Variants in PRICKLE1 observed in about 807,000 individuals in gnomAD.
PRICKLE1 encodes prickle-like protein 1.
In PRICKLE1, 14 loss-of-function variants were observed where a neutral mutation model predicts 70.2. The observed-to-expected ratio is 0.20, with a 90% CI of 0.13 to 0.31. The LOEUF (loss-of-function observed/expected upper bound fraction) is 0.31. Among genes scored for constraint, PRICKLE1 ranks in the 10% least tolerant of loss-of-function variants. The pLI, the probability that PRICKLE1 is intolerant of heterozygous loss-of-function variation, is 1.00. For synonymous variants in PRICKLE1, 357 were observed against 379.9 expected (o/e 0.94, Z 0.70); for missense variants, 821 against 1,026.2 (o/e 0.80, Z 2.73).
At chr12:42,485,025 C>CT (rs78748510) in intron 1 of PRICKLE1, among the ~76,000 whole-genome samples, 79 of 146,582 alleles carry the variant, frequency 5.4e-4, no homozygotes, top group Middle Eastern at 3.6e-3. Context: ...CCTTTGGTAT[C>CT]TTTTTTTTTT....
intron 1 of PRICKLE1, among the ~76,000 whole-genome samples, chr12:42,476,294 T>C (rs1277192671): frequency 1.3e-5 from 2 of 151,932 alleles, no homozygotes; most frequent in African/African-American, 4.8e-5. Flanking sequence ...GAGATTCTCC[T>C]GCCTCAGTCT....
Position 42,500,378 on chromosome 12 carries a change from T to C in PRICKLE1, c.-48-27814A>G, listed in dbSNP as rs536897197. ...ATATAATAGTTGCTCTGTTGCCTAT[T>C]AGGCATTACCAGTATCAGTACGTAC... On this transcript the variant is annotated intron_variant, in intron 1 of 7. Transcript: ENST00000345127. 4.2e-3 allele frequency among the ~76,000 whole-genome samples: 642 copies of C among 152,332 alleles called. 2 individuals are homozygous for C. The highest frequency in any genetic ancestry group is 0.015 in the African/African-American group (613 of 41,570).
At chr12:42,569,247 C>T (rs1319995848) in intron 1 of PRICKLE1, among the ~76,000 whole-genome samples, 1 of 152,058 alleles carries the variant, frequency 6.6e-6, no homozygotes, top group South Asian at 2.1e-4. Context: ...TAGCAATGGA[C>T]CTTTAAAGTA....
intron 1 of PRICKLE1, among the ~76,000 whole-genome samples, chr12:42,527,587 G>T (rs1939828110): frequency 1.3e-5 from 2 of 152,142 alleles, no homozygotes; most frequent in African/African-American, 2.4e-5. Flanking sequence ...AGACTTTACT[G>T]GGAGCCCATC....
At chr12:42,587,293 C>G (rs1345756456) in intron 1 of PRICKLE1, among the ~76,000 whole-genome samples, 3 of 152,224 alleles carry the variant, frequency 2.0e-5, no homozygotes, top group African/African-American at 7.2e-5. Context: ...ATGTCTATCT[C>G]TATAAACTAT....
At chr12:42,524,890 G>A (rs1939775020) in intron 1 of PRICKLE1, 1 of 152,208 alleles carries the variant, frequency 6.6e-6, no homozygotes, top group Admixed American at 6.5e-5. Context: ...GAAATGTATA[G>A]TTGGTCTTTG....
At chr12:42,503,096 T>C (rs1361012763) in intron 1 of PRICKLE1, among the ~76,000 whole-genome samples, 1 of 152,168 alleles carries the variant, frequency 6.6e-6, no homozygotes, top group Non-Finnish European at 1.5e-5. Flanking sequence ...AATTTGGACT[T>C]GTGGGGCAAT....
At chr12:42,566,254 C>T (rs866191472) in intron 1 of PRICKLE1, among the ~76,000 whole-genome samples, 7 of 151,874 alleles carry the variant, frequency 4.6e-5, no homozygotes, top group Admixed American at 1.3e-4. Flanking sequence ...GTCCAGGAGG[C>T]AAATTAGATG....
At chr12:42,527,430 C>T (rs1404396610) in intron 1 of PRICKLE1, among the ~76,000 whole-genome samples, 5 of 152,120 alleles carry the variant, frequency 3.3e-5, no homozygotes. Context: ...ACCATCCCCG[C>T]CCAGCCTAAA....
chr12:42,462,694 A>G (rs892590031), intron 7 of PRICKLE1, among the ~76,000 whole-genome samples: 1 of 152,118 alleles, frequency 6.6e-6, no homozygotes, highest in Admixed American at 6.6e-5. Context: ...GTCTGGCACA[A>G]GTTATTCCTG....
At chr12:42,576,994 T>C (rs749670642) in intron 1 of PRICKLE1, among the ~76,000 whole-genome samples, 3 of 152,202 alleles carry the variant, frequency 2.0e-5, no homozygotes, top group Non-Finnish European at 4.4e-5. Context: ...AGAAAGTTAT[T>C]AGGGTTATTG....
chr12:42,581,534 C>T (rs1203557884), intron 1 of PRICKLE1, among the ~76,000 whole-genome samples: 1 of 152,028 alleles, frequency 6.6e-6, no homozygotes, highest in Non-Finnish European at 1.5e-5. Flanking sequence ...CACTTGAGGT[C>T]AGGAGTTCAA....
At chr12:42,542,637 C>A (rs781212499) in intron 1 of PRICKLE1, among the ~76,000 whole-genome samples, 2 of 152,126 alleles carry the variant, frequency 1.3e-5, no homozygotes, top group Non-Finnish European at 2.9e-5. Context: ...GGCAACAGAG[C>A]AAGACTCTGT....
chr12:42,480,094 G>T (rs1474856212), intron 1 of PRICKLE1, among the ~76,000 whole-genome samples: 1 of 152,182 alleles, frequency 6.6e-6, no homozygotes, highest in Non-Finnish European at 1.5e-5. Flanking sequence ...CGGGATTCAA[G>T]AAACAGAATG....
At chr12:42,481,690 A>G (rs1209134360) in intron 1 of PRICKLE1, among the ~76,000 whole-genome samples, 4 of 152,230 alleles carry the variant, frequency 2.6e-5, no homozygotes, top group African/African-American at 4.8e-5. Flanking sequence ...ATTTAACTAC[A>G]GACTAATTTA....
intron 1 of PRICKLE1, among the ~76,000 whole-genome samples, chr12:42,548,094 C>G (rs145478719): frequency 6.6e-6 from 1 of 152,128 alleles, no homozygotes; most frequent in East Asian, 1.9e-4. Flanking sequence ...CTATGTTGCT[C>G]ACACTGGCCT....
At chr12:42,553,636 T>A (rs909790412) in intron 1 of PRICKLE1, among the ~76,000 whole-genome samples, 33 of 151,920 alleles carry the variant, frequency 2.2e-4, no homozygotes, top group African/African-American at 7.7e-4. Flanking sequence ...TCCTCATCTG[T>A]AAAATACAGA....
chr12:42,552,296 G>A lies in PRICKLE1; in HGVS notation c.-49+37169C>T, dbSNP rs146455094. Reference sequence around the variant, plus strand: ...TTGCCTAGGCTGGTCTTGAACTCCCGGGCTCAAGCAATCCTCCCACCTTGG... The same window carrying A: ...TTGCCTAGGCTGGTCTTGAACTCCCAGGCTCAAGCAATCCTCCCACCTTGG... On this transcript the variant is annotated intron_variant, in intron 1 of 7. Coordinates refer to ENST00000345127, the MANE Select transcript of PRICKLE1 (RefSeq NM_153026.3). Among the ~76,000 whole-genome samples the A allele has an allele frequency of 2.8e-3, 430 of 152,116 alleles. 1 individual carries two copies. The highest frequency in any genetic ancestry group is 0.024 in the East Asian group (125 of 5,174).
chr12:42,489,644 A>T (rs2140168944), intron 1 of PRICKLE1: 1 of 131,438 alleles, frequency 7.6e-6, no homozygotes, highest in African/African-American at 2.8e-5. Context: ...GGGGGATAAG[A>T]GCGAGACTTC....
Sources: gnomAD v4.1 joint callset for allele counts (sites outside exome capture counted in the v4.1 genomes callset) on GRCh38, gnomAD v4.1.1 for gene constraint, MANE v1.5 for transcripts, NCBI Gene and HGNC (gene_info 2026-07-23, HGNC 2026-07-21) for gene names.